The following ANKRD40CL variants were observed in gnomAD, a reference collection of about 807,000 sequenced individuals.
ANKRD40CL encodes the protein putative ANKRD40 C-terminal-like protein.
For synonymous variants in ANKRD40CL, 5 were observed against 2.3 expected (o/e 2.14, Z -1.04); for missense variants, 11 against 6.4 (o/e 1.71, Z -0.77).
In ANKRD40CL at chr17:50,761,033, A is replaced by ATCATTTATTTAT. The variant is rs1971190729; in HGVS notation, c.*329_*330insATAAATAAATGA. 1 of 148,574 alleles carries ATCATTTATTTAT rather than the reference A, an allele frequency of 6.7e-6. No individual in the cohort carries two copies. Among genetic ancestry groups the ATCATTTATTTAT allele is most frequent in the Non-Finnish European group, 1.5e-5 (1 of 67,990 alleles). The allele number at this position is 148,574 out of a possible 1,614,324, so 9.2% of individuals were successfully genotyped here. A position where few individuals can be genotyped will look rare whatever the true frequency, so the allele number is the denominator to read the frequency against. ...TTCAGTTTTTTAATTCCTGGGATTG[A>ATCATTTATTTAT]TTATTTATTTATTTATTTATTTTGA... is the stretch of plus-strand genomic sequence containing the variant. On this transcript the variant is annotated 3_prime_UTR_variant, in exon 4 of 4. Coordinates refer to ENST00000450727, the MANE Select transcript of ANKRD40CL (RefSeq NM_001358683.3).
rs1971328029 is a variant in ANKRD40CL at position 50,766,868 on chromosome 17, A to C, written c.40+6T>G. The C allele has an allele frequency of 3.1e-6, 2 of 654,846 alleles. No homozygotes were observed. The highest frequency in any genetic ancestry group is 5.4e-5 in the East Asian group (2 of 36,906). 40.6% of individuals were successfully genotyped at this position (654,846 alleles called of 1,614,324 possible). A position where few individuals can be genotyped will look rare whatever the true frequency, so the allele number is the denominator to read the frequency against. The stretch of plus-strand genomic sequence containing the variant: ...ACCATGTTGGGAACAGGACTCCCAG[A>C]CTCACCTGCTGGCTTCTCCCCGATG... On this transcript the variant is annotated splice_donor_region_variant and intron_variant, in intron 2 of 3. Coordinates refer to ENST00000450727, the MANE Select transcript of ANKRD40CL (RefSeq NM_001358683.3).
At position 50,767,455 on chromosome 17, in the gene ANKRD40CL, C is replaced by T. The variant is rs1030574153; in HGVS notation, c.-99+8G>A. 17 of 274,588 alleles carry T rather than the reference C, an allele frequency of 6.2e-5. No homozygotes were observed. The highest frequency in any genetic ancestry group is 1.2e-4 in the Non-Finnish European group (17 of 137,452). 17.0% of individuals were successfully genotyped at this position (274,588 alleles called of 1,614,324 possible). On this transcript the variant is annotated splice_region_variant and intron_variant, in intron 1 of 3. Coordinates refer to ENST00000450727, the MANE Select transcript of ANKRD40CL (RefSeq NM_001358683.3). ...TGACAAGAAAGAAGCAGAAAGACCC[C>T]TCCATACCTGGGAAAATGACCTTGG...
chr17:50,765,701 C>T (rs1971295107), intron 2 of ANKRD40CL, among the ~76,000 whole-genome samples: 1 of 152,198 alleles, frequency 6.6e-6, no homozygotes, highest in African/African-American at 2.4e-5. Context: ...CACTTGAACG[C>T]ACCAACTAGC....
At chr17:50,765,780 G>A (rs1469661216) in intron 2 of ANKRD40CL, among the ~76,000 whole-genome samples, 1 of 152,140 alleles carries the variant, frequency 6.6e-6, no homozygotes, top group Non-Finnish European at 1.5e-5. Context: ...TGTTTTGCCT[G>A]GGCAAAGGTG....
rs922164970 is a variant in ANKRD40CL, at chr17:50,767,072, T to C, written c.-98-61A>G. On this transcript the variant is annotated intron_variant, in intron 1 of 3. Coordinates refer to ENST00000450727, the MANE Select transcript of ANKRD40CL (RefSeq NM_001358683.3). The stretch of plus-strand genomic sequence containing the variant: ...GTGAGATAGAGCAGGGTCATTTTTA[T>C]TTTATAGATAGGGAAAAGGAGGCTG... 1.6e-5 allele frequency: 11 copies of C among 699,430 alleles called. No individual in the cohort carries two copies. Among genetic ancestry groups the C allele is most frequent in the Admixed American group, 4.0e-5 (2 of 49,862 alleles). 43.3% of individuals were successfully genotyped at this position (699,430 alleles called of 1,614,324 possible). A position where few individuals can be genotyped will look rare whatever the true frequency, so the allele number is the denominator to read the frequency against.
At chr17:50,766,353 C>T (rs549373790) in intron 2 of ANKRD40CL, among the ~76,000 whole-genome samples, 108 of 152,306 alleles carry the variant, frequency 7.1e-4, no homozygotes, top group African/African-American at 2.5e-3. Context: ...TGCTAACTCA[C>T]CCAACACACA....
chr17:50,763,233 T>G, intron 3 of ANKRD40CL, 164 bp downstream of exon 3: 3 of 396,740 alleles, frequency 7.6e-6, no homozygotes, highest in Non-Finnish European at 1.3e-5. Flanking sequence ...GGATTAGATG[T>G]GCAAATCTTA....
rs959003767 is a variant in ANKRD40CL at position 50,761,228 on chromosome 17, T to G, written c.*135A>C. 1.5e-4 allele frequency: 58 copies of G among 379,338 alleles called. No individual in the cohort carries two copies. Among genetic ancestry groups the G allele is most frequent in the Non-Finnish European group, 2.5e-4 (53 of 214,494 alleles). The allele number at this position is 379,338 out of a possible 1,614,324, so 23.5% of individuals were successfully genotyped here. A position where few individuals can be genotyped will look rare whatever the true frequency, so the allele number is the denominator to read the frequency against. ...TAGCTAATTTTTGTATTTTTTTTAG[T>G]AGAGACTGGGTTTCACTATATGTTG... On this transcript the variant is annotated 3_prime_UTR_variant, in exon 4 of 4. Coordinates refer to ENST00000450727, the MANE Select transcript of ANKRD40CL (RefSeq NM_001358683.3).
At chr17:50,765,758 A>G (rs2143160712) in intron 2 of ANKRD40CL, among the ~76,000 whole-genome samples, 1 of 152,198 alleles carries the variant, frequency 6.6e-6, no homozygotes, top group East Asian at 1.9e-4. Flanking sequence ...CCACTCCTCA[A>G]CTTCTGATCC....
At chr17:50,766,850 T>C in intron 2 of ANKRD40CL, 24 bp downstream of exon 2, 1 of 639,726 alleles carries the variant, frequency 1.6e-6, no homozygotes, top group East Asian at 2.7e-5. Context: ...AGGACCATGT[T>C]GGGAACAGGA....
At chr17:50,763,596 A>G (rs9906242) in intron 2 of ANKRD40CL, 39 bp from the exon 3 acceptor site, 196,083 of 398,706 alleles carry the variant, frequency 0.49, 49,231 homozygotes, top group Non-Finnish European at 0.53. Flanking sequence ...AAATTCAAAT[A>G]CAGTTTGTAA....
chr17:50,763,620 C>T (rs1971244817), intron 2 of ANKRD40CL, 63 bp from the exon 3 acceptor site: 5 of 398,532 alleles, frequency 1.3e-5, no homozygotes. Context: ...AAACAAAATA[C>T]CTGTCAGAGA....
chr17:50,767,375 T>G lies in ANKRD40CL; in HGVS notation c.-99+88A>C, dbSNP rs200357247. 204 of 350,972 alleles carry G rather than the reference T, an allele frequency of 5.8e-4. 2 individuals are homozygous for G. Among genetic ancestry groups the G allele is most frequent in the South Asian group, 4.3e-3 (197 of 45,398 alleles). 21.7% of individuals were successfully genotyped at this position (350,972 alleles called of 1,614,324 possible). On this transcript the variant is annotated intron_variant, in intron 1 of 3. Transcript: ENST00000450727. ...ACTTTGTTTCTCGGTTTGAATGGAC[T>G]CCTCCTCCCCATTTCACTGTCTTTA...
rs58902684 is a variant in ANKRD40CL at position 50,761,033 on chromosome 17, A to ATTATTTATTTATTTATTTATTTATTTAT, written c.*329_*330insATAAATAAATAAATAAATAAATAAATAA. ...TTCAGTTTTTTAATTCCTGGGATTG[A>ATTATTTATTTATTTATTTATTTATTTAT]TTATTTATTTATTTATTTATTTTGA... On this transcript the variant is annotated 3_prime_UTR_variant, in exon 4 of 4. Coordinates refer to ENST00000450727, the MANE Select transcript of ANKRD40CL (RefSeq NM_001358683.3). 0.076 allele frequency: 11,335 copies of ATTATTTATTTATTTATTTATTTATTTAT among 148,570 alleles called. 583 individuals carry two copies. The highest frequency in any genetic ancestry group is 0.14 in the Admixed American group (2,039 of 14,668). 9.2% of individuals were successfully genotyped at this position (148,570 alleles called of 1,614,324 possible). A position where few individuals can be genotyped will look rare whatever the true frequency, so the allele number is the denominator to read the frequency against.
At chr17:50,765,564 A>G (rs1365674298) in intron 2 of ANKRD40CL, among the ~76,000 whole-genome samples, 2 of 152,244 alleles carry the variant, frequency 1.3e-5, no homozygotes, top group Admixed American at 1.3e-4. Flanking sequence ...GGATGTGACC[A>G]GGGCCAACTA....
chr17:50,765,451 A>G (rs1223427448), intron 2 of ANKRD40CL, among the ~76,000 whole-genome samples: 2 of 152,340 alleles, frequency 1.3e-5, no homozygotes, highest in East Asian at 1.9e-4. Context: ...ACTGTCCCCA[A>G]AAGAATCCTG....
Position 50,761,209 on chromosome 17 carries a change from AT to A in ANKRD40CL, c.*153del, listed in dbSNP as rs1362005825. On this transcript the variant is annotated 3_prime_UTR_variant, in exon 4 of 4. Transcript: ENST00000450727. ...AGGTGTGCGCCACCACACCTAGCTA[AT>A]TTTTGTATTTTTTTTAGTAGAGACT... 1 of 363,334 alleles carries A rather than the reference AT, an allele frequency of 2.8e-6. No homozygotes were observed. The highest frequency in any genetic ancestry group is 4.9e-6 in the Non-Finnish European group (1 of 204,694). 22.5% of individuals were successfully genotyped at this position (363,334 alleles called of 1,614,324 possible). A position where few individuals can be genotyped will look rare whatever the true frequency, so the allele number is the denominator to read the frequency against.
At chr17:50,765,409 C>G (rs1971283699) in intron 2 of ANKRD40CL, among the ~76,000 whole-genome samples, 1 of 152,174 alleles carries the variant, frequency 6.6e-6, no homozygotes, top group Non-Finnish European at 1.5e-5. Flanking sequence ...CTGTCATAAT[C>G]AGACTTGCAT....
Position 50,766,898 on chromosome 17 carries a change from G to T in ANKRD40CL, c.16C>A (p.Gln6Lys). Residue 6 changes from glutamine (Q) to lysine (K), a missense_variant, in exon 2 of 4, where the codon CAG (glutamine) becomes AAG (lysine). Transcript: ENST00000450727. ...CCTGCTGGCTTCTCCCCGATGTCCT[G>T]TTCCGGTTCAGCCATGAGTCACCTC... MAEPE[Q>K]DIGEKPAVRI... is the part of the protein sequence containing the mutation. The T allele has an allele frequency of 1.5e-6, 1 of 684,402 alleles. No homozygotes were observed. The allele number at this position is 684,402 out of a possible 1,614,324, so 42.4% of individuals were successfully genotyped here.
Sources: allele counts gnomAD v4.1 joint callset (sites outside exome capture counted in the v4.1 genomes callset), GRCh38; gene constraint gnomAD v4.1.1; transcripts MANE v1.5; gene names NCBI Gene and HGNC (gene_info 2026-07-23, HGNC 2026-07-21).